Variants in FILIP1L observed in about 807,000 individuals in gnomAD.
The protein encoded by FILIP1L is filamin A interacting protein 1 like, also known as filamin A-interacting protein 1-like.
Under a neutral mutation model 96.6 loss-of-function variants are expected in FILIP1L, and 55 were observed. The observed-to-expected ratio is 0.57, with a 90% confidence interval of 0.46 to 0.71. The LOEUF is 0.71. Ranked by LOEUF, FILIP1L falls within the 30% of genes least tolerant of loss-of-function variation. The pLI, the probability that FILIP1L is intolerant of heterozygous loss-of-function variation, is 0.00. For missense variants in FILIP1L, 1,304 were observed against 1,321.2 expected (o/e 0.99, Z 0.20); for synonymous variants, 467 against 473.9 (o/e 0.99, Z 0.19).
At chr3:99,987,440 ACT>A (rs1709375574) in intron 1 of FILIP1L, among the ~76,000 whole-genome samples, 1 of 144,538 alleles carries the variant, frequency 6.9e-6, no homozygotes. Flanking sequence ...GAGACAGGAG[ACT>A]CTCTTGAACC....
At chr3:99,876,411 G>A (rs1251277007) in intron 4 of FILIP1L, among the ~76,000 whole-genome samples, 3 of 152,196 alleles carry the variant, frequency 2.0e-5, no homozygotes, top group African/African-American at 7.2e-5. Flanking sequence ...GGGCGCCGGC[G>A]CCCTCCTGTC....
At chr3:100,033,565 G>A (rs1401130075) in intron 1 of FILIP1L, among the ~76,000 whole-genome samples, 2 of 152,194 alleles carry the variant, frequency 1.3e-5, no homozygotes, top group Non-Finnish European at 2.9e-5. Flanking sequence ...ACCAAATCAT[G>A]TACTGCCCCT....
chr3:99,917,466 A>G (rs539601974), intron 4 of FILIP1L, among the ~76,000 whole-genome samples: 11 of 152,224 alleles, frequency 7.2e-5, no homozygotes, highest in Admixed American at 7.2e-4. Context: ...GCTGGCTTCT[A>G]CTCTGACTCT....
At chr3:99,834,589 T>G (rs1045670016) in intron 5 of FILIP1L, among the ~76,000 whole-genome samples, 2 of 152,242 alleles carry the variant, frequency 1.3e-5, no homozygotes, top group Admixed American at 1.3e-4. Flanking sequence ...TAAATACTTG[T>G]CTTCCTCATT....
At chr3:100,062,195 T>C (rs568997847) in intron 1 of FILIP1L, among the ~76,000 whole-genome samples, 1 of 137,342 alleles carries the variant, frequency 7.3e-6, no homozygotes, top group Admixed American at 8.1e-5. Context: ...CACTGCAAGC[T>C]CCGCCTCCCG....
At chr3:99,840,263 G>A (rs954162631) in intron 5 of FILIP1L, among the ~76,000 whole-genome samples, 12 of 123,560 alleles carry the variant, frequency 9.7e-5, no homozygotes, top group Non-Finnish European at 1.6e-4. Context: ...TTGCTCTGTC[G>A]CCCAGGCTGG....
At chr3:100,046,245 CA>C (rs2065277443) in intron 1 of FILIP1L, among the ~76,000 whole-genome samples, 1 of 152,118 alleles carries the variant, frequency 6.6e-6, no homozygotes, top group Admixed American at 6.6e-5. Flanking sequence ...CGTTTGGATC[CA>C]GTAACTTCTT....
intron 4 of FILIP1L, among the ~76,000 whole-genome samples, chr3:99,895,097 G>A (rs998166328): frequency 1.3e-5 from 2 of 152,170 alleles, no homozygotes; most frequent in Non-Finnish European, 2.9e-5. Flanking sequence ...TTCGAACAGG[G>A]TGTAGGCTGG....
At chr3:100,017,282 C>T (rs1710372544) in intron 1 of FILIP1L, among the ~76,000 whole-genome samples, 1 of 152,172 alleles carries the variant, frequency 6.6e-6, no homozygotes, top group Admixed American at 6.5e-5. Context: ...TAACATGTTA[C>T]ATCAGCAAAG....
At chr3:99,962,132 A>G (rs1242274462) in intron 1 of FILIP1L, among the ~76,000 whole-genome samples, 3 of 152,182 alleles carry the variant, frequency 2.0e-5, no homozygotes, top group Non-Finnish European at 4.4e-5. Context: ...TATTCCAGGA[A>G]GGACTGGCTT....
At position 99,850,751 on chromosome 3, in the gene FILIP1L, TTG is replaced by T. The variant is rs1266717609; in HGVS notation, c.923_924del (p.Thr308AsnfsTer8). ...TCCTCATTGGTGAGCTTCGCCATAA[TTG>T]TGTCTTGGTCTTGGTGAAACTTTGT... ...QTTKFHQDQD[T>X]IMAKLTNEDS... On this transcript the variant is annotated frameshift_variant, in exon 5 of 6. Transcript: ENST00000477258. LOFTEE classifies it high-confidence loss of function. 3.1e-6 allele frequency: 5 copies of T among 1,614,074 alleles called. No individual in the cohort carries two copies. Among genetic ancestry groups the T allele is most frequent in the Admixed American group, 1.7e-5 (1 of 60,008 alleles).
At chr3:100,026,507 TC>T (rs2064925165) in intron 1 of FILIP1L, among the ~76,000 whole-genome samples, 1 of 152,138 alleles carries the variant, frequency 6.6e-6, no homozygotes, top group South Asian at 2.1e-4. Context: ...GTTGACCAGA[TC>T]TTCCAGTATT....
chr3:99,850,970 T>G lies in FILIP1L; in HGVS notation c.706A>C (p.Lys236Gln). The change falls in exon 5 of 6, where the codon AAG becomes CAG. Residue 236 changes from lysine (K) to glutamine (Q), a missense_variant. Transcript: ENST00000477258. Reference sequence around the variant, plus strand: ...TCCACCACCATCAAAGCAAAAGACTTCAGCTTGGTCAGCTCCTCTTTCAGG... The same window carrying G: ...TCCACCACCATCAAAGCAAAAGACTGCAGCTTGGTCAGCTCCTCTTTCAGG... ...TTLKEELTKL[K>Q]SFALMVVDEQ... 1 of 1,614,168 alleles carries G rather than the reference T, an allele frequency of 6.2e-7. No homozygotes were observed. The highest frequency in any genetic ancestry group is 8.5e-7 in the Non-Finnish European group (1 of 1,180,020).
intron 1 of FILIP1L, among the ~76,000 whole-genome samples, chr3:99,996,039 C>T (rs576320735): frequency 2.6e-5 from 4 of 152,214 alleles, no homozygotes; most frequent in Admixed American, 6.5e-5. Flanking sequence ...GCTTGAATTC[C>T]GCCTCAGAAA....
intron 1 of FILIP1L, among the ~76,000 whole-genome samples, chr3:99,953,036 A>G (rs1175734519): frequency 6.6e-6 from 1 of 152,054 alleles, no homozygotes; most frequent in Admixed American, 6.5e-5. Flanking sequence ...CCTTTTCTCT[A>G]TCAAGTGCCA....
At chr3:100,033,210 G>A (rs1319304135) in intron 1 of FILIP1L, among the ~76,000 whole-genome samples, 1 of 152,140 alleles carries the variant, frequency 6.6e-6, no homozygotes, top group Non-Finnish European at 1.5e-5. Flanking sequence ...AACTAATTGT[G>A]CCTTGTAACA....
At chr3:99,873,772 T>G (rs1391231665) in intron 4 of FILIP1L, among the ~76,000 whole-genome samples, 1 of 152,210 alleles carries the variant, frequency 6.6e-6, no homozygotes, top group Non-Finnish European at 1.5e-5. Flanking sequence ...AGTCAAGGCT[T>G]GATTTGTGTT....
intron 1 of FILIP1L, among the ~76,000 whole-genome samples, chr3:100,022,195 T>G (rs1349557086): frequency 6.6e-6 from 1 of 152,164 alleles, no homozygotes; most frequent in Non-Finnish European, 1.5e-5. Flanking sequence ...AGTTTTTTGC[T>G]TCAGATGCAA....
Position 99,850,023 on chromosome 3 carries a change from G to C in FILIP1L, c.1653C>G (p.Thr551=). The change falls in exon 5 of 6, where the codon ACC becomes ACG. Residue 551 remains threonine, a synonymous_variant. Transcript: ENST00000477258. The stretch of plus-strand genomic sequence containing the variant: ...CGCTGTACATCTTTTCTTCTACATC[G>C]GTTTTGGACTTGAGCGCCCTTTTAG... ...EETKRALKSK[T]DVEEKMYSVT... is the part of the protein sequence containing the mutation. 1.2e-6 allele frequency: 2 copies of C among 1,607,114 alleles called. No homozygotes were observed. The highest frequency in any genetic ancestry group is 1.7e-6 in the Non-Finnish European group (2 of 1,178,358).
Sources: allele counts gnomAD v4.1 joint callset (sites outside exome capture counted in the v4.1 genomes callset), GRCh38; gene constraint gnomAD v4.1.1; transcripts MANE v1.5; gene names NCBI Gene and HGNC (gene_info 2026-07-23, HGNC 2026-07-21).